TMEM63A: variants seen among roughly 807,000 people sequenced by gnomAD.
TMEM63A encodes the protein transmembrane protein 63A.
A neutral mutation model predicts 100.6 loss-of-function variants in TMEM63A; 76 were observed. The observed-to-expected ratio is 0.76, with a 90% CI of 0.63 to 0.91. The LOEUF (loss-of-function observed/expected upper bound fraction) is 0.91. Ranked by LOEUF, TMEM63A falls within the 40% of genes least tolerant of loss-of-function variation. The probability of loss-of-function intolerance (pLI) is 0.00; values close to 1 mark genes in which losing one functional copy is unlikely to be tolerated. For synonymous variants in TMEM63A, 401 were observed against 401.1 expected, an observed-to-expected ratio of 1.00 and a Z score of 0.00; for missense variants, 876 against 1,008.8, an observed-to-expected ratio of 0.87 and a Z score of 1.78.
Position 225,856,892 on chromosome 1 carries a change from G to A in TMEM63A, c.1484+19C>T, listed in dbSNP as rs201302061. 2,849 of 1,607,858 alleles carry A rather than the reference G, an allele frequency of 1.8e-3. 10 individuals carry two copies. The highest frequency in any genetic ancestry group is 5.5e-3 in the Middle Eastern group (33 of 6,020). ...ATATCCTTCTTAGGGGCAGGGCCTCGGGGCTCCCGGGCACTCACTTGGTCC... is the reference window on the plus strand; with the variant it reads ...ATATCCTTCTTAGGGGCAGGGCCTCAGGGCTCCCGGGCACTCACTTGGTCC... On this transcript the variant is annotated intron_variant, in intron 16 of 24. Transcript: ENST00000366835.
At chr1:225,866,126 C>T (rs1391729694) in intron 9 of TMEM63A, 159 bp from the exon 10 acceptor site, 2 of 685,664 alleles carry the variant, frequency 2.9e-6, no homozygotes, top group African/African-American at 3.6e-5. Flanking sequence ...CAAAGCATGT[C>T]ATTTACACAG....
At chr1:225,872,510 G>C (rs1670557955) in intron 4 of TMEM63A, among the ~76,000 whole-genome samples, 1 of 152,010 alleles carries the variant, frequency 6.6e-6, no homozygotes, top group African/African-American at 2.4e-5. Context: ...TCAATAACAA[G>C]ATGCCTTCCA....
At chr1:225,844,011 T>C (rs775163279), downstream of TMEM63A, among the ~76,000 whole-genome samples, 1 of 151,902 alleles carries the variant, frequency 6.6e-6, no homozygotes, top group Non-Finnish European at 1.5e-5. Context: ...GGCTGTGGAG[T>C]ATGCATCCTG....
intron 15 of TMEM63A, 40 bp from the exon 16 acceptor site, chr1:225,857,057 G>A (rs749105666): frequency 2.9e-5 from 44 of 1,514,726 alleles, no homozygotes; most frequent in South Asian, 2.6e-4. Flanking sequence ...CACAGGGGCC[G>A]TGGGCCACGC....
intron 23 of TMEM63A, among the ~76,000 whole-genome samples, chr1:225,847,648 C>T (rs1442178072): frequency 6.6e-6 from 1 of 152,184 alleles, no homozygotes; most frequent in Non-Finnish European, 1.5e-5. Flanking sequence ...GCCACTGACC[C>T]CAGGCACAGA....
chr1:225,874,185 T>A, intron 4 of TMEM63A, 103 bp downstream of exon 4: 1 of 1,155,602 alleles, frequency 8.7e-7, no homozygotes, highest in Non-Finnish European at 1.2e-6. Flanking sequence ...ACACACACAC[T>A]ATACACACAT....
At chr1:225,866,915 G>A (rs568047670) in intron 8 of TMEM63A, among the ~76,000 whole-genome samples, 197 bp downstream of exon 8, 127 of 152,244 alleles carry the variant, frequency 8.3e-4, no homozygotes, top group African/African-American at 2.9e-3. Context: ...AGGACCCTCC[G>A]TGTTTCTTAA....
At chr1:225,859,647 C>CTT in intron 14 of TMEM63A, 1 of 335,762 alleles carries the variant, frequency 3.0e-6, no homozygotes. Context: ...TTTTCTTTTT[C>CTT]TGTTTTTTTT....
downstream of TMEM63A, chr1:225,842,321 G>A: frequency 7.1e-7 from 1 of 1,405,942 alleles, no homozygotes; most frequent in Non-Finnish European, 1.0e-6. Flanking sequence ...CCAGCTCTCT[G>A]GTCCCCAGGC....
Position 225,856,974 on chromosome 1 carries a change from G to T in TMEM63A, c.1421C>A (p.Ser474Tyr), listed in dbSNP as rs139209425. Residue 474 changes from serine (S) to tyrosine (Y), a missense_variant, in exon 16 of 25, where the codon TCC becomes TAC. Coordinates refer to ENST00000366835, the MANE Select transcript of TMEM63A (RefSeq NM_014698.3). Reference protein sequence around the residue: ...SQFFPTLLLWSFSALLPSIVY... With the variant: ...SQFFPTLLLWYFSALLPSIVY... ...AATGGAGGGGAGCAGGGCCGAGAAGGACCAGAGCAGGAGGGTGGGGAAGAA... is the reference window on the plus strand; with the variant it reads ...AATGGAGGGGAGCAGGGCCGAGAAGTACCAGAGCAGGAGGGTGGGGAAGAA... 1.4e-5 allele frequency: 22 copies of T among 1,601,340 alleles called. No homozygotes were observed. In the African/African-American group the frequency reaches 3.0e-4, roughly 22 times the overall value.
intron 10 of TMEM63A, chr1:225,864,553 T>C (rs981131761): frequency 6.6e-6 from 1 of 152,212 alleles, no homozygotes; most frequent in Non-Finnish European, 1.5e-5. Flanking sequence ...ATACATTAAG[T>C]GGAATTACTG....
chr1:225,865,902 G>T lies in TMEM63A; in HGVS notation c.741C>A (p.His247Gln), dbSNP rs772076723. ...RDARKETVESHFRDAYPTCEV... is the reference protein window; with the variant it reads ...RDARKETVESQFRDAYPTCEV... ...CTCCCACCCCACCTGCTTACCGGAAGTGGCTCTCCACAGTCTCCTTCCTGG... is the reference window on the plus strand; with the variant it reads ...CTCCCACCCCACCTGCTTACCGGAATTGGCTCTCCACAGTCTCCTTCCTGG... The change falls in exon 10 of 25, where the codon CAC (histidine) becomes CAA (glutamine). Residue 247 changes from histidine to glutamine, a missense_variant. Transcript: ENST00000366835. The surrounding 1 kb of genome is among the most constrained non-coding windows in gnomAD (Gnocchi z 4.6). The T allele has an allele frequency of 6.2e-7, 1 of 1,613,928 alleles. No homozygotes were observed. The highest frequency in any genetic ancestry group is 8.5e-7 in the Non-Finnish European group (1 of 1,179,926).
rs750465309 is a variant in TMEM63A at position 225,852,701 on chromosome 1, C to T, written c.1866G>A (p.Val622=). ...AWMLCVFTVI[V]AYSITCPIIA... ...TGATGGGACAAGTGATGCTGTAGGC[C>T]ACGATGACAGTGAAGACACACAGCA... The change falls in exon 20 of 25, where the codon GTG becomes GTA. Residue 622 remains valine, a synonymous_variant. Transcript: ENST00000366835. The T allele has an allele frequency of 1.2e-6, 2 of 1,613,630 alleles. No individual in the cohort carries two copies. Among genetic ancestry groups the T allele is most frequent in the Non-Finnish European group, 1.7e-6 (2 of 1,180,026 alleles).
intron 1 of TMEM63A, among the ~76,000 whole-genome samples, chr1:225,880,712 A>T (rs937204970): frequency 6.6e-6 from 1 of 152,218 alleles, no homozygotes; most frequent in East Asian, 1.9e-4. Flanking sequence ...CTCCCAACCC[A>T]AAGTTCAACC....
At chr1:225,870,072 G>A (rs377002012) in intron 6 of TMEM63A, among the ~76,000 whole-genome samples, 7 of 152,000 alleles carry the variant, frequency 4.6e-5, no homozygotes, top group Admixed American at 2.0e-4. Flanking sequence ...CACCTGGGCC[G>A]GGCGCGGTGG....
downstream of TMEM63A, among the ~76,000 whole-genome samples, chr1:225,843,015 GA>G (rs1485136175): frequency 6.6e-6 from 1 of 152,202 alleles, no homozygotes; most frequent in African/African-American, 2.4e-5. Flanking sequence ...TTCCTTCAGT[GA>G]CACACAGGAC....
In TMEM63A at chr1:225,859,518, A is replaced by C. The variant is rs574828342; in HGVS notation, c.1224-169T>G. ...AAATCTTAGGTCCCCAAGAGCTCAG[A>C]GGGAACAATTATTCTCTCAGATGTG... is the stretch of plus-strand genomic sequence containing the variant. On this transcript the variant is annotated intron_variant, in intron 14 of 24. Coordinates refer to ENST00000366835, the MANE Select transcript of TMEM63A (RefSeq NM_014698.3). The C allele has an allele frequency of 5.1e-6, 4 of 780,322 alleles. No individual in the cohort carries two copies. In the African/African-American group the frequency reaches 7.0e-5, roughly 14 times the overall value. 48.3% of individuals were successfully genotyped at this position (780,322 alleles called of 1,614,324 possible).
intron 14 of TMEM63A, chr1:225,860,651 T>C (rs900684593): frequency 9.3e-6 from 4 of 430,264 alleles, no homozygotes; most frequent in Non-Finnish European, 1.6e-5. Context: ...TGGGTAGCAC[T>C]TGAATGCTAG....
At position 225,849,777 on chromosome 1, in the gene TMEM63A, C is replaced by T. The variant is rs189526205; in HGVS notation, c.2071+135G>A. ...ACCACGTTCTGATGGGACACCTAACCAGCCCTCACTCTGGGCACCACATTC... is the reference window on the plus strand; with the variant it reads ...ACCACGTTCTGATGGGACACCTAACTAGCCCTCACTCTGGGCACCACATTC... On this transcript the variant is annotated intron_variant, in intron 21 of 24. Transcript: ENST00000366835. 1.6e-5 allele frequency: 18 copies of T among 1,135,554 alleles called. No homozygotes were observed. The East Asian group carries it at 4.3e-4, about 27-fold the overall frequency. The allele number at this position is 1,135,554 out of a possible 1,614,324, so 70.3% of individuals were successfully genotyped here.
Sources: gnomAD v4.1 joint callset for allele counts (sites outside exome capture counted in the v4.1 genomes callset) on GRCh38, gnomAD v4.1.1 for gene constraint, Gnocchi (gnomAD v3.1) non-coding constraint, MANE v1.5 for transcripts, NCBI Gene and HGNC (gene_info 2026-07-23, HGNC 2026-07-21) for gene names.